The following KIF26B variants were observed in gnomAD, a reference collection of about 807,000 sequenced individuals.
KIF26B encodes the protein kinesin-like protein KIF26B.
In KIF26B, 63 loss-of-function variants were observed where a neutral mutation model predicts 151.2. The ratio of observed to expected loss-of-function variants is 0.42; its 90% CI spans 0.34 to 0.51. The LOEUF is 0.51. Ranked by LOEUF, KIF26B falls within the 20% of genes least tolerant of loss-of-function variation. KIF26B has a pLI of 0.07. For missense variants in KIF26B, 2,813 were observed against 2,913.6 expected, an observed-to-expected ratio of 0.97 and a Z score of 0.79; for synonymous variants, 1,357 against 1,262.1, an observed-to-expected ratio of 1.08 and a Z score of -1.59.
chr1:245,416,325 G>T (rs1466418321), intron 3 of KIF26B, among the ~76,000 whole-genome samples: 2 of 149,922 alleles, frequency 1.3e-5, no homozygotes, highest in African/African-American at 2.5e-5. Flanking sequence ...GAAAAGCAAT[G>T]AAATGTTTTA....
chr1:245,536,018 CTG>C (rs1239587532), intron 4 of KIF26B, among the ~76,000 whole-genome samples: 1 of 152,122 alleles, frequency 6.6e-6, no homozygotes, highest in African/African-American at 2.4e-5. Context: ...GTTCCAGGCA[CTG>C]TGCTTGGGCC....
intron 9 of KIF26B, 113 bp downstream of exon 9, chr1:245,612,089 TGTGTGTGTGTGTGTGTGAGAGA>T: frequency 1.3e-5 from 10 of 745,848 alleles, no homozygotes; most frequent in South Asian, 7.5e-5. Context: ...TGTGTGTGTG[TGTGTGTGTGTGTGTGTGAGAGA>T]GAGAGAGAGA....
At chr1:245,359,054 T>C (rs1337926831) in intron 2 of KIF26B, among the ~76,000 whole-genome samples, 3 of 152,048 alleles carry the variant, frequency 2.0e-5, no homozygotes, top group Non-Finnish European at 4.4e-5. Flanking sequence ...AGTCACGCTC[T>C]GTTGCTCAGG....
intron 2 of KIF26B, among the ~76,000 whole-genome samples, chr1:245,259,399 G>T (rs998149971): frequency 6.6e-6 from 1 of 152,122 alleles, no homozygotes; most frequent in African/African-American, 2.4e-5. Flanking sequence ...AAATGCACAC[G>T]TGTTACCAGG....
At chr1:245,676,950 A>AC (rs2044364147) in intron 10 of KIF26B, among the ~76,000 whole-genome samples, 1 of 152,166 alleles carries the variant, frequency 6.6e-6, no homozygotes, top group Admixed American at 6.5e-5. Context: ...GCCCCAAATG[A>AC]CCAGGATGGT....
intron 3 of KIF26B, among the ~76,000 whole-genome samples, chr1:245,389,796 A>G (rs1673640995): frequency 6.6e-6 from 1 of 152,186 alleles, no homozygotes; most frequent in Non-Finnish European, 1.5e-5. Context: ...GATATGAGAG[A>G]CGCCAGCCCA....
rs138751186 is a variant in KIF26B, at chr1:245,681,666, T to C, written c.2259-2567T>C. ...ATGGAAGAGATGAAAAGTGGCTGAA[T>C]GTGTGGATTCATCAGATGATGAGAA... On this transcript the variant is annotated intron_variant, in intron 10 of 14. Coordinates refer to ENST00000407071, the MANE Select transcript of KIF26B (RefSeq NM_018012.4). Among the ~76,000 whole-genome samples, 1,372 of 152,294 alleles carry C rather than the reference T, an allele frequency of 9.0e-3. 32 individuals are homozygous for C. Among genetic ancestry groups the C allele is most frequent in the African/African-American group, 0.031 (1,288 of 41,554 alleles).
At chr1:245,680,881 G>A (rs1050257453) in intron 10 of KIF26B, among the ~76,000 whole-genome samples, 3 of 152,152 alleles carry the variant, frequency 2.0e-5, no homozygotes, top group African/African-American at 7.2e-5. Context: ...CTCTCATATC[G>A]TGCACATGTG....
At chr1:245,254,186 C>T (rs577576275) in intron 2 of KIF26B, among the ~76,000 whole-genome samples, 205 of 152,208 alleles carry the variant, frequency 1.3e-3, no homozygotes, top group African/African-American at 4.2e-3. Context: ...TGACCTGTAA[C>T]GCATTGACTT....
intron 2 of KIF26B, among the ~76,000 whole-genome samples, chr1:245,324,861 G>A (rs373807100): frequency 1.1e-3 from 174 of 152,200 alleles, no homozygotes; most frequent in African/African-American, 4.0e-3. Context: ...CTGGGAGGTC[G>A]AGGTGGGCGG....
At chr1:245,168,412 A>G (rs879050982) in intron 2 of KIF26B, among the ~76,000 whole-genome samples, 4 of 152,200 alleles carry the variant, frequency 2.6e-5, no homozygotes, top group Admixed American at 2.0e-4. Flanking sequence ...TAATAAAGCT[A>G]TTTGTTTTAC....
chr1:245,552,507 G>T (rs1217101802), intron 5 of KIF26B, among the ~76,000 whole-genome samples: 2 of 152,106 alleles, frequency 1.3e-5, no homozygotes, highest in Non-Finnish European at 2.9e-5. Context: ...CATCGCACTA[G>T]GGGAATGAAT....
intron 2 of KIF26B, among the ~76,000 whole-genome samples, chr1:245,327,648 A>G (rs1672017030): frequency 6.6e-6 from 1 of 152,158 alleles, no homozygotes; most frequent in African/African-American, 2.4e-5. Flanking sequence ...TACATGCCAG[A>G]TATTTCCAGA....
intron 4 of KIF26B, among the ~76,000 whole-genome samples, chr1:245,454,955 G>A (rs1186084372): frequency 6.6e-6 from 1 of 152,152 alleles, no homozygotes; most frequent in Non-Finnish European, 1.5e-5. Context: ...TGGGACAAAT[G>A]TTTGAGCTCA....
At chr1:245,345,456 G>T (rs1447398396) in intron 2 of KIF26B, among the ~76,000 whole-genome samples, 3 of 152,112 alleles carry the variant, frequency 2.0e-5, no homozygotes, top group Non-Finnish European at 4.4e-5. Context: ...TACTCACCAC[G>T]CCTTTCCACG....
intron 2 of KIF26B, among the ~76,000 whole-genome samples, chr1:245,172,026 C>T (rs1438236233): frequency 6.6e-6 from 1 of 152,152 alleles, no homozygotes; most frequent in Non-Finnish European, 1.5e-5. Flanking sequence ...CTCCAGGGTT[C>T]ATTCCATCTC....
intron 9 of KIF26B, among the ~76,000 whole-genome samples, chr1:245,641,432 C>T (rs1201199738): frequency 6.6e-6 from 1 of 152,000 alleles, no homozygotes; most frequent in African/African-American, 2.4e-5. Context: ...AACTTCTTGT[C>T]TTTCTCAGTT....
chr1:245,697,412 C>A (rs1005377573), intron 12 of KIF26B, among the ~76,000 whole-genome samples: 1 of 152,154 alleles, frequency 6.6e-6, no homozygotes, highest in Admixed American at 6.5e-5. Context: ...GTACCAGGCA[C>A]GTAACCAGTG....
At position 245,667,343 on chromosome 1, in the gene KIF26B, T is replaced by C. The variant is rs1217298267; in HGVS notation, c.2259-16890T>C. ...GGCGTGTGCCACCATGCCCGGCTAC[T>C]TTTTTAAATATTTTTAATAGAGATG... On this transcript the variant is annotated intron_variant, in intron 10 of 14. Coordinates refer to ENST00000407071, the MANE Select transcript of KIF26B (RefSeq NM_018012.4). The surrounding 1 kb of genome is among the most constrained non-coding windows in gnomAD (Gnocchi z 4.3). 6.6e-6 allele frequency among the ~76,000 whole-genome samples: 1 copy of C among 152,046 alleles called. No individual in the cohort carries two copies. Among genetic ancestry groups the C allele is most frequent in the Non-Finnish European group, 1.5e-5 (1 of 68,010 alleles).
Sources: allele counts gnomAD v4.1 joint callset (sites outside exome capture counted in the v4.1 genomes callset), GRCh38; gene constraint gnomAD v4.1.1; non-coding constraint Gnocchi (gnomAD v3.1); transcripts MANE v1.5; gene names NCBI Gene and HGNC (gene_info 2026-07-23, HGNC 2026-07-21).